ZMYND8: variants seen among roughly 807,000 people sequenced by gnomAD.
ZMYND8 encodes MYND-type zinc finger-containing chromatin reader ZMYND8.
In ZMYND8, 37 loss-of-function variants were observed where a neutral mutation model predicts 140.8. The ratio of observed to expected loss-of-function variants is 0.26; its 90% CI spans 0.20 to 0.35. ZMYND8 has a LOEUF of 0.35. Ranked by LOEUF, ZMYND8 falls within the 10% of genes least tolerant of loss-of-function variation. The probability of loss-of-function intolerance (pLI) is 1.00; values close to 1 mark genes in which losing one functional copy is unlikely to be tolerated. For synonymous variants in ZMYND8, 592 were observed against 597.1 expected (o/e 0.99, Z 0.12); for missense variants, 1,068 against 1,570.0 (o/e 0.68, Z 5.40).
intron 14 of ZMYND8, among the ~76,000 whole-genome samples, chr20:47,241,650 A>G (rs966333876): frequency 2.0e-5 from 3 of 152,088 alleles, no homozygotes; most frequent in Non-Finnish European, 4.4e-5. Flanking sequence ...AAGGTGGCTC[A>G]GTTATGGATG....
intron 11 of ZMYND8, 140 bp from the exon 12 acceptor site, chr20:47,262,568 G>A (rs2075234334): frequency 2.5e-6 from 3 of 1,189,060 alleles, no homozygotes; most frequent in Non-Finnish European, 3.5e-6. Context: ...CGAATGGGGT[G>A]GGGTGGAGCA....
At chr20:47,240,344 G>A (rs1183495252) in intron 14 of ZMYND8, among the ~76,000 whole-genome samples, 4 of 151,798 alleles carry the variant, frequency 2.6e-5, no homozygotes, top group East Asian at 2.0e-4. Flanking sequence ...GTGAAACCCC[G>A]TCTCTACCGA....
intron 2 of ZMYND8, among the ~76,000 whole-genome samples, chr20:47,340,980 A>G (rs1256347191): frequency 6.6e-6 from 1 of 152,194 alleles, no homozygotes; most frequent in Non-Finnish European, 1.5e-5. Context: ...CGTGTGTTAA[A>G]GTTCATCAGA....
chr20:47,297,643 T>C (rs1264870308), intron 4 of ZMYND8, among the ~76,000 whole-genome samples: 1 of 152,236 alleles, frequency 6.6e-6, no homozygotes, highest in East Asian at 1.9e-4. Flanking sequence ...CAGACAGGTC[T>C]TGAACTCCTG....
At chr20:47,234,291 C>T (rs993380906) in intron 16 of ZMYND8, among the ~76,000 whole-genome samples, 3 of 152,212 alleles carry the variant, frequency 2.0e-5, no homozygotes, top group African/African-American at 7.2e-5. Flanking sequence ...TCATGCAATC[C>T]ACCCACCTCA....
At chr20:47,351,350 T>C (rs1423003916) in intron 1 of ZMYND8, among the ~76,000 whole-genome samples, 1 of 152,174 alleles carries the variant, frequency 6.6e-6, no homozygotes, top group Non-Finnish European at 1.5e-5. Context: ...TGCCCACATA[T>C]TTCTTTTCCC....
rs768981027 is a variant in ZMYND8, at chr20:47,210,774, G to A, written c.3692C>T (p.Thr1231Ile). 27 of 1,614,026 alleles carry A rather than the reference G, an allele frequency of 1.7e-5. 1 individual carries two copies. In the South Asian group the frequency reaches 2.5e-4, roughly 15 times the overall value. The part of the protein sequence containing the change: ...SLLPKESRLD[T>I]FWD Reference sequence around the variant, plus strand: ...CCCGATTCACTGCTAGTCCCAGAAGGTGTCCAGCCGAGACTCTTTCGGGAG... The same window carrying A: ...CCCGATTCACTGCTAGTCCCAGAAGATGTCCAGCCGAGACTCTTTCGGGAG... The change falls in exon 23 of 23, where the codon ACC (threonine) becomes ATC (isoleucine). Residue 1231 changes from threonine to isoleucine, a missense_variant. Physicochemically the swap from Thr to Ile is moderately conservative, Grantham distance 89 (BLOSUM62 -1). This residue lies in a region of ZMYND8 where 180 missense variants were observed against 187.8 expected (regional missense o/e 0.96). Coordinates refer to ENST00000471951, the MANE Select transcript of ZMYND8 (RefSeq NM_001281775.3).
chr20:47,256,283 C>T lies in ZMYND8; in HGVS notation c.1621+6005G>A, dbSNP rs573420315. ...CTGCTTGAGGCCAGAAGTTTGAGAC[C>T]AGCCTGGGAAACATAGCGAGACCCT... On this transcript the variant is annotated intron_variant, in intron 12 of 22. Transcript: ENST00000471951. Among the ~76,000 whole-genome samples the T allele has an allele frequency of 4.0e-5, 6 of 149,270 alleles. No homozygotes were observed. The South Asian group carries it at 1.3e-3, about 32-fold the overall frequency.
At chr20:47,332,763 G>A (rs540993996) in intron 2 of ZMYND8, among the ~76,000 whole-genome samples, 1 of 152,182 alleles carries the variant, frequency 6.6e-6, no homozygotes, top group East Asian at 1.9e-4. Flanking sequence ...TTCTTCAAAA[G>A]GTTAATAGTT....
intron 11 of ZMYND8, among the ~76,000 whole-genome samples, chr20:47,270,640 C>T (rs1347659897): frequency 1.5e-5 from 2 of 137,550 alleles, no homozygotes; most frequent in Admixed American, 7.9e-5. Flanking sequence ...GCGGGAGGAT[C>T]GCTTAAGCCC....
chr20:47,241,266 G>T (rs1392794051), intron 14 of ZMYND8, among the ~76,000 whole-genome samples: 1 of 142,100 alleles, frequency 7.0e-6, no homozygotes, highest in East Asian at 2.1e-4. Context: ...TTGCACTCCA[G>T]CCTGGGTGAC....
At chr20:47,218,976 G>A (rs1008803705) in intron 21 of ZMYND8, among the ~76,000 whole-genome samples, 2 of 151,942 alleles carry the variant, frequency 1.3e-5, no homozygotes, top group African/African-American at 2.4e-5. Context: ...CAGCACTTCC[G>A]GAGGCAGAGG....
intron 14 of ZMYND8, among the ~76,000 whole-genome samples, chr20:47,243,055 A>C (rs551233342): frequency 6.6e-6 from 1 of 152,368 alleles, no homozygotes; most frequent in East Asian, 1.9e-4. Context: ...GAAATTACTG[A>C]TGTGCCAGTG....
intron 2 of ZMYND8, among the ~76,000 whole-genome samples, chr20:47,321,440 A>G (rs6018410): frequency 3.8e-4 from 58 of 152,356 alleles, no homozygotes; most frequent in Middle Eastern, 3.4e-3. Flanking sequence ...TAAACATTCT[A>G]CAATGCACAG....
At chr20:47,234,352 A>G (rs772619657) in intron 16 of ZMYND8, among the ~76,000 whole-genome samples, 29 of 152,182 alleles carry the variant, frequency 1.9e-4, no homozygotes, top group Non-Finnish European at 3.2e-4. Flanking sequence ...CCCAGCCTCC[A>G]TTGCTGATTT....
intron 1 of ZMYND8, chr20:47,352,084 T>C (rs2082830353): frequency 1.2e-6 from 1 of 859,550 alleles, no homozygotes; most frequent in African/African-American, 1.8e-5. Flanking sequence ...TTAGGAATCG[T>C]GCAGCCCCGT....
intron 8 of ZMYND8, 34 bp downstream of exon 8, chr20:47,287,195 G>A (rs781050367): frequency 3.0e-5 from 47 of 1,591,260 alleles, no homozygotes; most frequent in Non-Finnish European, 4.0e-5. Flanking sequence ...CTCCTTCTGG[G>A]TGCATCTAAA....
At chr20:47,300,688 C>T (rs905986726) in intron 3 of ZMYND8, among the ~76,000 whole-genome samples, 1 of 152,140 alleles carries the variant, frequency 6.6e-6, no homozygotes, top group Non-Finnish European at 1.5e-5. Flanking sequence ...GGCAGGCACC[C>T]ATATCTTGTT....
rs922521201 is a variant in ZMYND8 at position 47,298,207 on chromosome 20, G to A, written c.453+522C>T. The A allele has an allele frequency of 4.3e-6, 4 of 922,542 alleles. No individual in the cohort carries two copies. Among genetic ancestry groups the A allele is most frequent in the Non-Finnish European group, 5.2e-6 (4 of 773,164 alleles). 57.1% of individuals were successfully genotyped at this position (922,542 alleles called of 1,614,324 possible). A position where few individuals can be genotyped will look rare whatever the true frequency, so the allele number is the denominator to read the frequency against. ...GGAAAAAAAAAAATGATCCATGCCT[G>A]TTTTTGTGCACTGTCGAATTCCCAG... On this transcript the variant is annotated intron_variant, in intron 4 of 22. Transcript: ENST00000471951. This position sits in a 1 kb window ranked among gnomAD's most constrained non-coding sequence, Gnocchi z 5.0.
Sources: gnomAD v4.1 joint callset for allele counts (sites outside exome capture counted in the v4.1 genomes callset) on GRCh38, gnomAD v4.1.1 for gene constraint, gnomAD v4.1.1 regional missense constraint, Gnocchi (gnomAD v3.1) non-coding constraint, MANE v1.5 for transcripts, NCBI Gene and HGNC (gene_info 2026-07-23, HGNC 2026-07-21) for gene names.